TMEM132B: variants seen among roughly 807,000 people sequenced by gnomAD.
TMEM132B encodes the protein transmembrane protein 132B.
TMEM132B carries 18 observed loss-of-function variants against 90.8 expected under a neutral mutation model. The observed-to-expected ratio is 0.20, with a 90% confidence interval of 0.14 to 0.29. TMEM132B has a LOEUF of 0.29. Ranked by LOEUF, TMEM132B falls within the 10% of genes least tolerant of loss-of-function variation. TMEM132B has a pLI of 1.00. For synonymous variants in TMEM132B, 504 were observed against 523.3 expected, an observed-to-expected ratio of 0.96 and a Z score of 0.50; for missense variants, 1,096 against 1,326.8, an observed-to-expected ratio of 0.83 and a Z score of 2.70.
In TMEM132B at chr12:125,572,118, C is replaced by T. The variant is rs115283348; in HGVS notation, c.1294-11733C>T. ...TAGATTCAGTTTACATGATTTTTGT[C>T]GAAAACAGTCCAGAAGTGATGCTAT... On this transcript the variant is annotated intron_variant, in intron 4 of 8. Transcript: ENST00000682704. Among the ~76,000 whole-genome samples, 592 of 152,222 alleles carry T rather than the reference C, an allele frequency of 3.9e-3. 6 individuals are homozygous for T. Among genetic ancestry groups the T allele is most frequent in the African/African-American group, 0.013 (544 of 41,546 alleles).
chr12:125,278,789 C>G (rs11058117), intron 1 of TMEM132B, among the ~76,000 whole-genome samples: 23,902 of 152,018 alleles, frequency 0.16, 2,374 homozygotes, highest in African/African-American at 0.28. Flanking sequence ...AAAAATACAG[C>G]AGAAAAGAAT....
chr12:125,355,254 A>T (rs972404874), intron 2 of TMEM132B, among the ~76,000 whole-genome samples: 3 of 152,174 alleles, frequency 2.0e-5, no homozygotes, highest in African/African-American at 7.2e-5. Flanking sequence ...TTACTGTGTC[A>T]GTGGGGGTTG....
intron 3 of TMEM132B, among the ~76,000 whole-genome samples, chr12:125,428,587 C>A (rs1880402456): frequency 1.3e-5 from 2 of 152,246 alleles, no homozygotes; most frequent in South Asian, 4.1e-4. Context: ...CCTCCATCTT[C>A]CTTTTTCTCC....
intron 4 of TMEM132B, among the ~76,000 whole-genome samples, chr12:125,566,765 T>G (rs1688570719): frequency 6.6e-6 from 1 of 151,682 alleles, no homozygotes; most frequent in Non-Finnish European, 1.5e-5. Context: ...GCATGCAAGA[T>G]CTAAGTCTTT....
intron 2 of TMEM132B, among the ~76,000 whole-genome samples, chr12:125,387,436 G>A (rs1225523201): frequency 1.3e-5 from 2 of 152,214 alleles, no homozygotes; most frequent in Non-Finnish European, 2.9e-5. Flanking sequence ...GTGAATCAAG[G>A]CAGTGCCAAC....
chr12:125,403,535 G>T (rs1879379145), intron 2 of TMEM132B, among the ~76,000 whole-genome samples: 1 of 152,168 alleles, frequency 6.6e-6, no homozygotes, highest in African/African-American at 2.4e-5. Context: ...CAAGCCTAAA[G>T]ATATTTCTCT....
At chr12:125,495,640 T>A (rs1378348976) in intron 3 of TMEM132B, among the ~76,000 whole-genome samples, 1 of 152,242 alleles carries the variant, frequency 6.6e-6, no homozygotes. Context: ...ATAAGTGGAA[T>A]CCTGGTTCCT....
At chr12:125,611,549 T>C (rs1322842634) in intron 5 of TMEM132B, among the ~76,000 whole-genome samples, 1 of 152,098 alleles carries the variant, frequency 6.6e-6, no homozygotes, top group Non-Finnish European at 1.5e-5. Flanking sequence ...CTTATATTCT[T>C]ACTGTTTCCA....
At chr12:125,580,618 A>G (rs1167357220) in intron 4 of TMEM132B, among the ~76,000 whole-genome samples, 3 of 152,132 alleles carry the variant, frequency 2.0e-5, no homozygotes, top group African/African-American at 2.4e-5. Flanking sequence ...AAATGGCACA[A>G]AGTTCTGTTT....
chr12:125,457,895 G>A (rs139296382), intron 3 of TMEM132B, among the ~76,000 whole-genome samples: 5 of 152,206 alleles, frequency 3.3e-5, no homozygotes, highest in Non-Finnish European at 7.3e-5. Context: ...CAGGAGCTGG[G>A]TCTGGACAGG....
At chr12:125,547,330 A>AT (rs1366196396) in intron 4 of TMEM132B, among the ~76,000 whole-genome samples, 8 of 143,720 alleles carry the variant, frequency 5.6e-5, no homozygotes, top group Non-Finnish European at 9.0e-5. Context: ...AATTTTAGCC[A>AT]TTTTTTTGTG....
intron 4 of TMEM132B, among the ~76,000 whole-genome samples, chr12:125,543,893 G>T (rs1364778035): frequency 6.6e-6 from 1 of 152,032 alleles, no homozygotes; most frequent in African/African-American, 2.4e-5. Context: ...AAAGATACAT[G>T]CATGCTTATG....
At chr12:125,639,897 G>T (rs1390208630) in intron 5 of TMEM132B, among the ~76,000 whole-genome samples, 2 of 152,184 alleles carry the variant, frequency 1.3e-5, no homozygotes, top group African/African-American at 4.8e-5. Flanking sequence ...GACCAAGATG[G>T]CTTTAGCCAC....
In TMEM132B at chr12:125,202,750, GGCTGTCCTAGAA is replaced by G. The variant is rs574252553; in HGVS notation, c.67+15888_67+15899del. On this transcript the variant is annotated intron_variant, in intron 1 of 8. Coordinates refer to ENST00000682704, the MANE Select transcript of TMEM132B (RefSeq NM_001366854.1). The stretch of plus-strand genomic sequence containing the variant: ...AACACCATGAGGCCAGATCTTTGGA[GGCTGTCCTAGAA>G]GCTATCTACCATTATGGAACTGCCT... Among the ~76,000 whole-genome samples, 345 of 152,348 alleles carry G rather than the reference GGCTGTCCTAGAA, an allele frequency of 2.3e-3. 2 individuals are homozygous for G. Among genetic ancestry groups the G allele is most frequent in the Non-Finnish European group, 4.1e-3 (280 of 68,040 alleles).
chr12:125,352,554 C>A (rs1252995723), intron 2 of TMEM132B, among the ~76,000 whole-genome samples: 1 of 152,226 alleles, frequency 6.6e-6, no homozygotes, highest in African/African-American at 2.4e-5. Context: ...GTGATGAAAT[C>A]TATCTCCTGG....
intron 4 of TMEM132B, among the ~76,000 whole-genome samples, chr12:125,554,308 C>G (rs931622810): frequency 6.6e-6 from 1 of 150,924 alleles, no homozygotes; most frequent in African/African-American, 2.4e-5. Context: ...GCCTGTAGTC[C>G]CAGCTACTTG....
rs115497238 is a variant in TMEM132B, at chr12:125,536,387, C to T, written c.1293+16762C>T. The stretch of plus-strand genomic sequence containing the variant: ...TCTGTTGGCTCCAGGGGTGATCATT[C>T]GGTTTTTTGTACCATAAACCTCCTG... On this transcript the variant is annotated intron_variant, in intron 4 of 8. Coordinates refer to ENST00000682704, the MANE Select transcript of TMEM132B (RefSeq NM_001366854.1). Among the ~76,000 whole-genome samples the T allele has an allele frequency of 7.5e-3, 1,139 of 152,272 alleles. 8 individuals carry two copies. Among genetic ancestry groups the T allele is most frequent in the African/African-American group, 0.026 (1,084 of 41,554 alleles).
intron 1 of TMEM132B, among the ~76,000 whole-genome samples, chr12:125,219,358 C>A (rs1268846087): frequency 6.6e-6 from 1 of 152,172 alleles, no homozygotes; most frequent in Non-Finnish European, 1.5e-5. Context: ...ACTAGGAAGT[C>A]GTATCTCAAT....
chr12:125,238,888 A>G (rs1320055801), intron 1 of TMEM132B, among the ~76,000 whole-genome samples: 1 of 152,200 alleles, frequency 6.6e-6, no homozygotes, highest in Non-Finnish European at 1.5e-5. Flanking sequence ...TCCTTTGTTA[A>G]GAAAAGATCA....
Sources: gnomAD v4.1 joint callset for allele counts (sites outside exome capture counted in the v4.1 genomes callset) on GRCh38, gnomAD v4.1.1 for gene constraint, MANE v1.5 for transcripts, NCBI Gene and HGNC (gene_info 2026-07-23, HGNC 2026-07-21) for gene names.